Variants in CDK5RAP3 observed in about 807,000 individuals in gnomAD.
CDK5RAP3 encodes the protein CDK5 regulatory subunit-associated protein 3.
A neutral mutation model predicts 73.3 loss-of-function variants in CDK5RAP3; 58 were observed. The ratio of observed to expected loss-of-function variants is 0.79; its 90% confidence interval spans 0.64 to 0.98. The LOEUF (loss-of-function observed/expected upper bound fraction) is 0.98, where lower values mean the gene tolerates loss of function less well. Among genes scored for constraint, CDK5RAP3 ranks in the 50% least tolerant of loss-of-function variants. The pLI, the probability that CDK5RAP3 is intolerant of heterozygous loss-of-function variation, is 0.00. For missense variants in CDK5RAP3, 525 were observed against 615.8 expected (o/e 0.85, Z 1.56); for synonymous variants, 224 against 247.5 (o/e 0.91, Z 0.89).
intron 11 of CDK5RAP3, chr17:47,980,314 TCTGGAGTGCAGTG>T (rs1178006038): frequency 1.1e-5 from 4 of 363,598 alleles, no homozygotes; most frequent in Middle Eastern, 7.9e-4. Context: ...TGTCGCCCAG[TCTGGAGTGCAGTG>T]CAGCAATCAT....
chr17:47,977,764 G>A, intron 9 of CDK5RAP3, 68 bp from the exon 10 acceptor site: 1 of 1,363,554 alleles, frequency 7.3e-7, no homozygotes, highest in Non-Finnish European at 1.0e-6. Context: ...AAGGGCTTTG[G>A]TTTATTCTGG....
chr17:47,981,569 G>A lies in CDK5RAP3; in HGVS notation c.*67G>A. 1.2e-6 allele frequency: 2 copies of A among 1,613,716 alleles called. No homozygotes were observed. Among genetic ancestry groups the A allele is most frequent in the South Asian group, 2.2e-5 (2 of 91,016 alleles). On this transcript the variant is annotated 3_prime_UTR_variant, in exon 14 of 14. Coordinates refer to ENST00000338399, the MANE Select transcript of CDK5RAP3 (RefSeq NM_176096.3). ...GATGAAGATGATAGCCAGGGCTGTT[G>A]TTTTGGGGCCCTTCAAGGCAAAAGA...
chr17:47,971,224 G>T (rs1034942148), intron 1 of CDK5RAP3, 72 bp downstream of exon 1: 14 of 1,531,308 alleles, frequency 9.1e-6, no homozygotes, highest in Non-Finnish European at 1.2e-5. Context: ...GTCTCCCTCC[G>T]GAAGCGGCTC....
chr17:47,968,916 G>T (rs1195303347), upstream of CDK5RAP3, among the ~76,000 whole-genome samples: 1 of 152,174 alleles, frequency 6.6e-6, no homozygotes, highest in Non-Finnish European at 1.5e-5. Flanking sequence ...TCCCAAAAGT[G>T]CTGGGATTAC....
upstream of CDK5RAP3, among the ~76,000 whole-genome samples, chr17:47,969,753 G>A (rs1489505173): frequency 6.6e-6 from 1 of 151,840 alleles, no homozygotes; most frequent in African/African-American, 2.4e-5. Flanking sequence ...CTCCAGCCCC[G>A]ACAACTCCCT....
chr17:47,971,254 G>A, intron 1 of CDK5RAP3, 102 bp downstream of exon 1: 1 of 1,537,952 alleles, frequency 6.5e-7, no homozygotes, highest in East Asian at 2.4e-5. Flanking sequence ...CATCGCTCTG[G>A]CCCCGTTCTG....
At chr17:47,976,071 C>T in intron 8 of CDK5RAP3, 58 bp downstream of exon 8, 3 of 1,573,056 alleles carry the variant, frequency 1.9e-6, no homozygotes, top group South Asian at 2.3e-5. Flanking sequence ...TGTCCCCTCC[C>T]CACCCCCAAC....
chr17:47,974,688 GGT>G (rs149052949), intron 5 of CDK5RAP3: 1 of 1,356,706 alleles, frequency 7.4e-7, no homozygotes, highest in Non-Finnish European at 9.5e-7. Flanking sequence ...TCAGCGAGCA[GGT>G]GTGTGTGGGT....
intron 1 of CDK5RAP3, 92 bp downstream of exon 1, chr17:47,971,244 C>A: frequency 6.5e-7 from 1 of 1,534,052 alleles, no homozygotes; most frequent in South Asian, 1.2e-5. Flanking sequence ...CAACCCAGCC[C>A]ATCGCTCTGG....
At chr17:47,969,013 GTAAACTGTCATGAGTTAC>G (rs1567720653), upstream of CDK5RAP3, among the ~76,000 whole-genome samples, 1 of 152,112 alleles carries the variant, frequency 6.6e-6, no homozygotes, top group Non-Finnish European at 1.5e-5. Context: ...ACAGTATGTT[GTAAACTGTCATGAGTTAC>G]TAGTGTGTTT....
intron 9 of CDK5RAP3, 37 bp downstream of exon 9, chr17:47,976,859 C>G: frequency 7.8e-7 from 1 of 1,278,886 alleles, no homozygotes; most frequent in Non-Finnish European, 1.1e-6. Context: ...TCTCTGATCA[C>G]TACTCTAACC....
chr17:47,974,513 A>C, intron 5 of CDK5RAP3, 65 bp downstream of exon 5: 3 of 1,613,218 alleles, frequency 1.9e-6, no homozygotes, highest in Non-Finnish European at 2.5e-6. Flanking sequence ...GTTCTGAGAT[A>C]CCAGGCTTAT....
At position 47,976,723 on chromosome 17, in the gene CDK5RAP3, C is replaced by G. The variant is rs1172944748; in HGVS notation, c.810C>G (p.Gly270=). Residue 270 remains glycine, a synonymous_variant, in exon 9 of 14, where the codon GGC becomes GGG. Transcript: ENST00000338399. The part of the protein sequence containing the change: ...EQVAEDAIDW[G]DFGVEAVSEG... ...CTTTCCCTTTCCAGATTGACTGGGG[C>G]GACTTTGGGGTAGAGGCAGTGTCTG... is the stretch of plus-strand genomic sequence containing the variant. The G allele has an allele frequency of 6.2e-7, 1 of 1,610,604 alleles. No individual in the cohort carries two copies. The highest frequency in any genetic ancestry group is 2.2e-5 in the East Asian group (1 of 44,800).
At chr17:47,970,948 G>T (rs2036244020), upstream of CDK5RAP3, 5 of 1,454,364 alleles carry the variant, frequency 3.4e-6, no homozygotes. Context: ...CCCCTCCCGA[G>T]CTCAGCCATT....
Position 47,978,739 on chromosome 17 carries a change from G to A in CDK5RAP3, c.989-90G>A, listed in dbSNP as rs1243333082. The A allele has an allele frequency of 9.2e-6, 9 of 975,268 alleles. No homozygotes were observed. The East Asian group carries it at 9.6e-5, about 10-fold the overall frequency. The allele number at this position is 975,268 out of a possible 1,614,324, so 60.4% of individuals were successfully genotyped here. On this transcript the variant is annotated intron_variant, in intron 10 of 13. Transcript: ENST00000338399. ...TGGCTTTAGCACAGTGAGTCTGTCC[G>A]TATTAATCCTCCAGGGCTTCTCACA...
At chr17:47,976,072 CA>C in intron 8 of CDK5RAP3, 59 bp downstream of exon 8, 1 of 1,570,670 alleles carries the variant, frequency 6.4e-7, no homozygotes, top group Non-Finnish European at 8.7e-7. Flanking sequence ...GTCCCCTCCC[CA>C]CCCCCAACAG....
At chr17:47,969,306 C>T (rs1014091601), upstream of CDK5RAP3, among the ~76,000 whole-genome samples, 4 of 151,924 alleles carry the variant, frequency 2.6e-5, no homozygotes, top group African/African-American at 9.7e-5. Context: ...CCTGTAATCC[C>T]AGCACTTTAG....
upstream of CDK5RAP3, chr17:47,970,514 T>G: frequency 1.4e-6 from 1 of 707,348 alleles, no homozygotes; most frequent in South Asian, 1.6e-5. Flanking sequence ...CCAGCTATCT[T>G]CAGCTCTTCG....
intron 7 of CDK5RAP3, 105 bp downstream of exon 7, chr17:47,975,758 C>T: frequency 6.3e-7 from 1 of 1,580,248 alleles, no homozygotes; most frequent in Admixed American, 1.7e-5. Flanking sequence ...GAACTCTTTA[C>T]ACACCTGAAC....
Sources: gnomAD v4.1 joint callset for allele counts (sites outside exome capture counted in the v4.1 genomes callset) on GRCh38, gnomAD v4.1.1 for gene constraint, MANE v1.5 for transcripts, NCBI Gene and HGNC (gene_info 2026-07-23, HGNC 2026-07-21) for gene names.